PHACTR1: variants seen among roughly 807,000 people sequenced by gnomAD.
PHACTR1 encodes phosphatase and actin regulator 1.
In PHACTR1, 16 loss-of-function variants were observed where a neutral mutation model predicts 69.2. The observed-to-expected ratio is 0.23, with a 90% CI of 0.16 to 0.35. The LOEUF is 0.35. Ranked by LOEUF, PHACTR1 falls within the 10% of genes least tolerant of loss-of-function variation. The probability of loss-of-function intolerance (pLI) is 1.00; values close to 1 mark genes in which losing one functional copy is unlikely to be tolerated. For synonymous variants in PHACTR1, 312 were observed against 284.5 expected (o/e 1.10, Z -0.97); for missense variants, 510 against 734.7 (o/e 0.69, Z 3.54).
intron 4 of PHACTR1, among the ~76,000 whole-genome samples, chr6:12,966,717 G>T (rs1178674005): frequency 6.6e-6 from 1 of 151,978 alleles, no homozygotes; most frequent in African/African-American, 2.4e-5. Flanking sequence ...AAAATGATTT[G>T]GTAGCTGAAA....
intron 4 of PHACTR1, among the ~76,000 whole-genome samples, chr6:12,877,178 A>G (rs76569024): frequency 2.6e-5 from 4 of 152,192 alleles, no homozygotes; most frequent in Non-Finnish European, 5.9e-5. Flanking sequence ...TTGACACGAC[A>G]CATAGAATTA....
intron 4 of PHACTR1, among the ~76,000 whole-genome samples, chr6:12,854,948 A>G (rs2127764010): frequency 6.6e-6 from 1 of 152,342 alleles, no homozygotes; most frequent in South Asian, 2.1e-4. Context: ...AACGCAAATT[A>G]GTACAGCCCC....
chr6:13,106,892 A>G (rs898807074), intron 5 of PHACTR1, among the ~76,000 whole-genome samples: 16 of 152,158 alleles, frequency 1.1e-4, no homozygotes, highest in Non-Finnish European at 1.6e-4. Context: ...AACACCAGTC[A>G]GTTTAAATAT....
chr6:13,071,546 G>T (rs1001424122), intron 5 of PHACTR1, among the ~76,000 whole-genome samples: 3 of 152,164 alleles, frequency 2.0e-5, no homozygotes, highest in African/African-American at 7.2e-5. Flanking sequence ...AATCAAATTA[G>T]CACAAAGCTG....
chr6:12,992,168 G>C (rs868608935), intron 4 of PHACTR1, among the ~76,000 whole-genome samples: 21 of 152,180 alleles, frequency 1.4e-4, no homozygotes, highest in Middle Eastern at 3.4e-3. Flanking sequence ...CAAATCCCCA[G>C]TGATAAATGT....
chr6:12,988,021 G>A (rs1796394835), intron 4 of PHACTR1, among the ~76,000 whole-genome samples: 1 of 152,136 alleles, frequency 6.6e-6, no homozygotes, highest in Non-Finnish European at 1.5e-5. Flanking sequence ...TTTCTAAGGG[G>A]GTTGGCTAGC....
chr6:12,724,603 AG>A (rs1175066052), intron 3 of PHACTR1, among the ~76,000 whole-genome samples: 1 of 152,210 alleles, frequency 6.6e-6, no homozygotes, highest in African/African-American at 2.4e-5. Flanking sequence ...CTTGCCAGGC[AG>A]AGGCAACCTC....
intron 10 of PHACTR1, among the ~76,000 whole-genome samples, chr6:13,248,998 G>C (rs1773973126): frequency 6.6e-6 from 1 of 152,190 alleles, no homozygotes; most frequent in African/African-American, 2.4e-5. Context: ...GGAGAAGTTA[G>C]GTCTTCCGTC....
At chr6:12,720,606 G>A (rs778111684) in intron 3 of PHACTR1, among the ~76,000 whole-genome samples, 2 of 152,154 alleles carry the variant, frequency 1.3e-5, no homozygotes, top group Non-Finnish European at 2.9e-5. Flanking sequence ...TTGCTCCCTG[G>A]AGTCATGTTC....
chr6:12,857,447 A>G (rs1035502795), intron 4 of PHACTR1, among the ~76,000 whole-genome samples: 1 of 152,116 alleles, frequency 6.6e-6, no homozygotes, highest in Non-Finnish European at 1.5e-5. Context: ...TACTAAAAAT[A>G]CAAAAATTAG....
rs1296377842 is a variant in PHACTR1, at chr6:13,160,806, ATAT to A, written c.496+526_496+528del. Among the ~76,000 whole-genome samples the A allele has an allele frequency of 3.9e-5, 6 of 152,310 alleles. No individual in the cohort carries two copies. The East Asian group carries it at 1.2e-3, about 29-fold the overall frequency. ...TACATTTAAGATATTGGAAATGATA[ATAT>A]TATGGTGCTTCAAATGCTCTGTGAA... On this transcript the variant is annotated intron_variant, in intron 6 of 14. Transcript: ENST00000332995.
At chr6:12,819,688 T>C (rs1775986586) in intron 4 of PHACTR1, among the ~76,000 whole-genome samples, 1 of 152,176 alleles carries the variant, frequency 6.6e-6, no homozygotes, top group African/African-American at 2.4e-5. Context: ...TGTATAGAGA[T>C]GATATTATTA....
chr6:12,822,755 C>T (rs1293102085), intron 4 of PHACTR1, among the ~76,000 whole-genome samples: 1 of 152,120 alleles, frequency 6.6e-6, no homozygotes, highest in African/African-American at 2.4e-5. Flanking sequence ...AGCCCAAAAC[C>T]ACAGCTTTAA....
intron 4 of PHACTR1, among the ~76,000 whole-genome samples, chr6:12,763,362 A>G (rs1431789382): frequency 6.6e-6 from 1 of 152,212 alleles, no homozygotes; most frequent in African/African-American, 2.4e-5. Context: ...TCAGCCTTAA[A>G]CTCACTTCAT....
chr6:13,283,294 C>T lies in PHACTR1; in HGVS notation c.1510-128C>T, dbSNP rs1043511128. The stretch of plus-strand genomic sequence containing the variant: ...TGGCCCTCCCCCTGCCCCTGCCCCT[C>T]ACTCACTATGCGATGCATCCATCGC... On this transcript the variant is annotated intron_variant, in intron 12 of 14. Coordinates refer to ENST00000332995, the MANE Select transcript of PHACTR1 (RefSeq NM_030948.6). The surrounding 1 kb of genome is among the most constrained non-coding windows in gnomAD (Gnocchi z 4.7). The T allele has an allele frequency of 7.8e-6, 8 of 1,031,234 alleles. No individual in the cohort carries two copies. Among genetic ancestry groups the T allele is most frequent in the East Asian group, 2.6e-5 (1 of 37,756 alleles). The allele number at this position is 1,031,234 out of a possible 1,614,324, so 63.9% of individuals were successfully genotyped here.
chr6:13,136,650 A>G (rs1821592139), intron 5 of PHACTR1, among the ~76,000 whole-genome samples: 1 of 152,008 alleles, frequency 6.6e-6, no homozygotes, highest in Non-Finnish European at 1.5e-5. Context: ...AATCATTTCT[A>G]GTTTTTGATT....
At chr6:12,752,642 G>A (rs114323330) in intron 4 of PHACTR1, among the ~76,000 whole-genome samples, 1,864 of 152,142 alleles carry the variant, frequency 0.012, 42 homozygotes, top group African/African-American at 0.043. Context: ...TAAACTAATC[G>A]TCCAGTTGCC....
intron 4 of PHACTR1, among the ~76,000 whole-genome samples, chr6:12,762,686 T>C (rs1768162230): frequency 6.6e-6 from 1 of 152,200 alleles, no homozygotes; most frequent in Admixed American, 6.5e-5. Flanking sequence ...CTCCTCCCTG[T>C]GCCATGAAGC....
At chr6:13,227,691 CT>C (rs1206484267) in intron 8 of PHACTR1, 124 bp from the exon 9 acceptor site, 130 of 1,290,378 alleles carry the variant, frequency 1.0e-4, no homozygotes, top group Non-Finnish European at 1.3e-4. Flanking sequence ...AGCAATGGAA[CT>C]TTACTTGCCC....
Sources: allele counts gnomAD v4.1 joint callset (sites outside exome capture counted in the v4.1 genomes callset), GRCh38; gene constraint gnomAD v4.1.1; non-coding constraint Gnocchi (gnomAD v3.1); transcripts MANE v1.5; gene names NCBI Gene and HGNC (gene_info 2026-07-23, HGNC 2026-07-21).